FAM171A1: variants seen among roughly 807,000 people sequenced by gnomAD.
The protein encoded by FAM171A1 is family with sequence similarity 171 member A1.
Under a neutral mutation model 74.9 loss-of-function variants are expected in FAM171A1, and 23 were observed. That is an observed-to-expected ratio of 0.31 (90% CI 0.22 to 0.44). The LOEUF (loss-of-function observed/expected upper bound fraction) is 0.44, where lower values mean the gene tolerates loss of function less well. Ranked by LOEUF, FAM171A1 falls within the 20% of genes least tolerant of loss-of-function variation. The pLI is 1.00. For missense variants in FAM171A1, 1,162 were observed against 1,159.2 expected, an observed-to-expected ratio of 1.00 and a Z score of -0.03; for synonymous variants, 527 against 505.7, an observed-to-expected ratio of 1.04 and a Z score of -0.57.
chr10:15,214,560 T>A lies in FAM171A1; in HGVS notation c.1028A>T (p.Gln343Leu), dbSNP rs189694579. The A allele has an allele frequency of 8.7e-6, 14 of 1,612,380 alleles. No individual in the cohort carries two copies. The East Asian group carries it at 2.9e-4, about 33-fold the overall frequency. ...GGAACTCTCCAGTCCTGCAGGGAGC[T>A]GCAGTTTTCTGTGGTGCTGACGAGG... is the stretch of plus-strand genomic sequence containing the variant. ...LKPRQHHRKL[Q>L]LPAGLESSKR... is the part of the protein sequence containing the mutation. The change falls in exon 8 of 8, where the codon CAG becomes CTG. Residue 343 changes from glutamine (Q) to leucine (L), a missense_variant. Coordinates refer to ENST00000378116, the MANE Select transcript of FAM171A1 (RefSeq NM_001010924.2).
intron 3 of FAM171A1, among the ~76,000 whole-genome samples, chr10:15,261,587 G>A (rs969465068): frequency 2.6e-5 from 4 of 152,202 alleles, no homozygotes; most frequent in Non-Finnish European, 4.4e-5. Context: ...AATGATGAAA[G>A]TACAAGATAA....
intron 1 of FAM171A1, among the ~76,000 whole-genome samples, chr10:15,305,577 A>G (rs1835282928): frequency 7.0e-6 from 1 of 142,412 alleles, no homozygotes; most frequent in African/African-American, 2.6e-5. Context: ...TTAGGTGGGA[A>G]AATGGCTTGA....
chr10:15,243,539 C>T (rs918102918), intron 5 of FAM171A1, among the ~76,000 whole-genome samples: 2 of 152,106 alleles, frequency 1.3e-5, no homozygotes, highest in East Asian at 1.9e-4. Context: ...TTACAGTGCA[C>T]ACAACCCATA....
At chr10:15,276,847 G>C (rs184876535) in intron 2 of FAM171A1, among the ~76,000 whole-genome samples, 2 of 152,198 alleles carry the variant, frequency 1.3e-5, no homozygotes, top group African/African-American at 4.8e-5. Context: ...ACTGCACCCA[G>C]CTAATTTTCA....
chr10:15,370,497 G>A (rs1836127201), intron 1 of FAM171A1, among the ~76,000 whole-genome samples: 1 of 151,926 alleles, frequency 6.6e-6, no homozygotes, highest in South Asian at 2.1e-4. Flanking sequence ...ACAACAAAAG[G>A]CCCCAGCGCA....
chr10:15,307,113 G>C (rs1448160885), intron 1 of FAM171A1, among the ~76,000 whole-genome samples: 2 of 152,156 alleles, frequency 1.3e-5, no homozygotes, highest in Non-Finnish European at 2.9e-5. Flanking sequence ...AGGAGCATGA[G>C]GATGACACCA....
chr10:15,214,656 A>C (rs1323330636), intron 7 of FAM171A1, 55 bp from the exon 8 acceptor site: 2 of 1,496,420 alleles, frequency 1.3e-6, no homozygotes, highest in Non-Finnish European at 1.8e-6. Context: ...ACAATGAAAA[A>C]GTTTCAAGTT....
rs1412738073 is a variant in FAM171A1, at chr10:15,370,951, C to G, written c.97+5G>C. ...AAGCCCCCGGCCCCGCCGCCGCCCA[C>G]TGACCTTGGGCTCCGGCGCCGGGCT... On this transcript the variant is annotated splice_donor_5th_base_variant and intron_variant, in intron 1 of 7. Coordinates refer to ENST00000378116, the MANE Select transcript of FAM171A1 (RefSeq NM_001010924.2). 13 of 1,162,002 alleles carry G rather than the reference C, an allele frequency of 1.1e-5. No homozygotes were observed. The highest frequency in any genetic ancestry group is 1.4e-5 in the Non-Finnish European group (13 of 922,736). The allele number at this position is 1,162,002 out of a possible 1,614,324, so 72.0% of individuals were successfully genotyped here. A position where few individuals can be genotyped will look rare whatever the true frequency, so the allele number is the denominator to read the frequency against.
rs144786124 is a variant in FAM171A1, at chr10:15,337,095, G to A, written c.97+33861C>T. ...GGTATCTCACTATGTTGCCCAGAAT[G>A]GCCTTGAACTCCTGGACACAAGCAA... On this transcript the variant is annotated intron_variant, in intron 1 of 7. Coordinates refer to ENST00000378116, the MANE Select transcript of FAM171A1 (RefSeq NM_001010924.2). 4.5e-4 allele frequency among the ~76,000 whole-genome samples: 67 copies of A among 150,422 alleles called. 7 individuals are homozygous for A. The East Asian group carries it at 0.013, about 29-fold the overall frequency.
At chr10:15,271,046 C>G (rs1024510346) in intron 3 of FAM171A1, among the ~76,000 whole-genome samples, 1 of 152,166 alleles carries the variant, frequency 6.6e-6, no homozygotes, top group Non-Finnish European at 1.5e-5. Context: ...GATGAGCTGA[C>G]AGAAGAATGC....
At chr10:15,313,817 G>C (rs1033213250) in intron 1 of FAM171A1, among the ~76,000 whole-genome samples, 2 of 152,212 alleles carry the variant, frequency 1.3e-5, no homozygotes, top group South Asian at 2.1e-4. Context: ...ACTGCTTTAA[G>C]GTTTGCAAGA....
intron 1 of FAM171A1, among the ~76,000 whole-genome samples, chr10:15,325,361 A>G (rs2131852261): frequency 6.6e-6 from 1 of 152,244 alleles, no homozygotes; most frequent in South Asian, 2.1e-4. Context: ...TACAAAAATT[A>G]GCCAGGTGTG....
chr10:15,220,938 T>A lies in FAM171A1; in HGVS notation c.871+6A>T. The A allele has an allele frequency of 6.2e-7, 1 of 1,609,104 alleles. No individual in the cohort carries two copies. Among genetic ancestry groups the A allele is most frequent in the Non-Finnish European group, 8.5e-7 (1 of 1,176,148 alleles). ...CGCATCATCGCAAGTGTTGGCTCCG[T>A]GTTACCTGGGATGGGAGGGGACATG... On this transcript the variant is annotated splice_donor_region_variant and intron_variant, in intron 6 of 7. Coordinates refer to ENST00000378116, the MANE Select transcript of FAM171A1 (RefSeq NM_001010924.2).
At chr10:15,252,629 C>T (rs1034617763) in intron 4 of FAM171A1, among the ~76,000 whole-genome samples, 4 of 152,178 alleles carry the variant, frequency 2.6e-5, no homozygotes, top group Non-Finnish European at 4.4e-5. Flanking sequence ...CCCGAGGGCG[C>T]GTGTGAATTC....
At chr10:15,278,813 A>C (rs1834928912) in intron 2 of FAM171A1, among the ~76,000 whole-genome samples, 1 of 152,124 alleles carries the variant, frequency 6.6e-6, no homozygotes, top group Non-Finnish European at 1.5e-5. Flanking sequence ...AACATTCTGC[A>C]ATTAGTCACT....
chr10:15,275,983 A>G, intron 2 of FAM171A1, 36 bp from the exon 3 acceptor site: 1 of 1,505,152 alleles, frequency 6.6e-7, no homozygotes, highest in Non-Finnish European at 9.2e-7. Context: ...GGGGATTTTA[A>G]TAGTCATATT....
intron 1 of FAM171A1, among the ~76,000 whole-genome samples, chr10:15,343,770 C>T (rs935734883): frequency 7.9e-5 from 12 of 152,090 alleles, no homozygotes; most frequent in Admixed American, 2.0e-4. Context: ...GGGAACTGAA[C>T]CTGGGCCCTC....
At chr10:15,372,698 C>CAA (rs59712649), upstream of FAM171A1, among the ~76,000 whole-genome samples, 32,148 of 88,392 alleles carry the variant, frequency 0.36, 6,546 homozygotes, top group East Asian at 0.64. Flanking sequence ...GACCCCGTCT[C>CAA]AAAAAAAAAA....
intron 1 of FAM171A1, among the ~76,000 whole-genome samples, chr10:15,357,839 A>AT (rs1835951694): frequency 6.6e-6 from 1 of 152,172 alleles, no homozygotes; most frequent in Non-Finnish European, 1.5e-5. Context: ...TCACTGCAAA[A>AT]TTTTTTCCGT....
Sources: allele counts gnomAD v4.1 joint callset (sites outside exome capture counted in the v4.1 genomes callset), GRCh38; gene constraint gnomAD v4.1.1; transcripts MANE v1.5; gene names NCBI Gene and HGNC (gene_info 2026-07-23, HGNC 2026-07-21).